Variants in TMC2 observed in about 807,000 individuals in gnomAD.
The protein encoded by TMC2 is transmembrane channel-like protein 2.
In TMC2, 102 loss-of-function variants were observed where a neutral mutation model predicts 105.9. The ratio of observed to expected loss-of-function variants is 0.96; its 90% CI spans 0.82 to 1.14. The LOEUF is 1.14. Among genes scored for constraint, TMC2 ranks in the 50% most tolerant of loss-of-function variants. The probability of loss-of-function intolerance (pLI) is 0.00; values close to 1 mark genes in which losing one functional copy is unlikely to be tolerated. For synonymous variants in TMC2, 402 were observed against 422.8 expected, an observed-to-expected ratio of 0.95 and a Z score of 0.60; for missense variants, 1,093 against 1,134.3, an observed-to-expected ratio of 0.96 and a Z score of 0.52.
intron 17 of TMC2, among the ~76,000 whole-genome samples, chr20:2,625,656 T>TA (rs1398349755): frequency 6.6e-6 from 1 of 152,258 alleles, no homozygotes; most frequent in Non-Finnish European, 1.5e-5. Flanking sequence ...TAGGGATAGT[T>TA]AGGCTGTTTC....
intron 7 of TMC2, among the ~76,000 whole-genome samples, chr20:2,588,265 C>T (rs974263202): frequency 1.3e-5 from 2 of 152,134 alleles, no homozygotes; most frequent in Non-Finnish European, 2.9e-5. Flanking sequence ...TCTGCCACCC[C>T]GCAAGGAAAC....
At chr20:2,589,269 C>CGTGTGTGTGTGTGTGT (rs764448789) in intron 7 of TMC2, among the ~76,000 whole-genome samples, 1,327 of 84,670 alleles carry the variant, frequency 0.016, 117 homozygotes, top group Admixed American at 0.021. Context: ...TCCTATTTGC[C>CGTGTGTGTGTGTGTGT]CTGTGTGTGT....
chr20:2,636,168 A>G (rs1036730462), intron 18 of TMC2, among the ~76,000 whole-genome samples, 164 bp downstream of exon 18: 1 of 152,186 alleles, frequency 6.6e-6, no homozygotes, highest in African/African-American at 2.4e-5. Context: ...ATTCAACAGC[A>G]TGCATTTATA....
intron 19 of TMC2, among the ~76,000 whole-genome samples, chr20:2,639,794 G>A (rs2086675168): frequency 1.3e-5 from 2 of 152,126 alleles, no homozygotes; most frequent in Admixed American, 1.3e-4. Flanking sequence ...GGCTTCAAAG[G>A]GGAGTGATCA....
At chr20:2,564,018 A>C (rs2086045829) in intron 4 of TMC2, among the ~76,000 whole-genome samples, 1 of 152,136 alleles carries the variant, frequency 6.6e-6, no homozygotes, top group South Asian at 2.1e-4. Flanking sequence ...ATGGGCCACC[A>C]CACCTGGCCC....
At chr20:2,567,618 G>A (rs1440972087) in intron 4 of TMC2, among the ~76,000 whole-genome samples, 3 of 151,610 alleles carry the variant, frequency 2.0e-5, no homozygotes, top group African/African-American at 7.3e-5. Context: ...GGCTGGTCTC[G>A]AACTCTTGGC....
rs1328504707 is a variant in TMC2, at chr20:2,577,187, C to A, written c.646-1959C>A. Among the ~76,000 whole-genome samples the A allele has an allele frequency of 2.6e-5, 4 of 151,972 alleles. No individual in the cohort carries two copies. In the South Asian group the frequency reaches 8.3e-4, roughly 32 times the overall value. ...TCTCCCAAAGTGCTGAGATTACAGG[C>A]GTGAGCAACCGTCCCCAGCCTGTAT... On this transcript the variant is annotated intron_variant, in intron 5 of 19. Transcript: ENST00000358864.
At chr20:2,581,467 T>C (rs2086189214) in intron 7 of TMC2, among the ~76,000 whole-genome samples, 1 of 152,222 alleles carries the variant, frequency 6.6e-6, no homozygotes, top group African/African-American at 2.4e-5. Context: ...TAAACGTCAC[T>C]GTCAAGCGTA....
In TMC2 at chr20:2,579,167, G is replaced by A; in HGVS notation, c.667G>A (p.Asp223Asn). ...MAKKWVKFKR[D>N]FDNFKTQCIP... The stretch of plus-strand genomic sequence containing the variant: ...TCAGAAATGGGTCAAATTTAAGAGA[G>A]ACTTTGATAATTTCAAGACTCAATG... The change falls in exon 6 of 20, where the codon GAC becomes AAC. Residue 223 changes from aspartate to asparagine, a missense_variant. By Grantham distance (23) the Asp-to-Asn change is conservative. Transcript: ENST00000358864. The A allele has an allele frequency of 6.3e-7, 1 of 1,593,834 alleles. No individual in the cohort carries two copies. Among genetic ancestry groups the A allele is most frequent in the Non-Finnish European group, 8.6e-7 (1 of 1,161,876 alleles).
chr20:2,601,775 G>C (rs1057053975), intron 10 of TMC2, among the ~76,000 whole-genome samples: 2 of 152,148 alleles, frequency 1.3e-5, no homozygotes, highest in African/African-American at 4.8e-5. Flanking sequence ...AGGAGGTGGT[G>C]AGCCGAGATT....
chr20:2,619,774 G>A (rs1468897054), intron 16 of TMC2, among the ~76,000 whole-genome samples: 1 of 152,216 alleles, frequency 6.6e-6, no homozygotes, highest in Admixed American at 6.5e-5. Context: ...TCCTAAGCAA[G>A]GTTTGGAGGG....
chr20:2,560,816 C>T (rs937900388), intron 3 of TMC2, among the ~76,000 whole-genome samples: 1 of 145,962 alleles, frequency 6.9e-6, no homozygotes, highest in Admixed American at 6.9e-5. Flanking sequence ...CAGCCTGGGC[C>T]ACAGAGCAAG....
intron 17 of TMC2, among the ~76,000 whole-genome samples, chr20:2,632,664 A>C (rs8117151): frequency 0.023 from 3,482 of 152,150 alleles, 130 homozygotes; most frequent in African/African-American, 0.077. Flanking sequence ...ATCTTGGCTC[A>C]CTGCAACCTC....
chr20:2,635,545 G>C (rs1313015750), intron 17 of TMC2, among the ~76,000 whole-genome samples: 1 of 152,136 alleles, frequency 6.6e-6, no homozygotes, highest in African/African-American at 2.4e-5. Context: ...ATGGGGTGGG[G>C]TGGGGGTGGA....
At chr20:2,591,323 T>C (rs531438751) in intron 7 of TMC2, among the ~76,000 whole-genome samples, 7 of 152,298 alleles carry the variant, frequency 4.6e-5, no homozygotes, top group African/African-American at 1.7e-4. Flanking sequence ...GACTAAAATA[T>C]ACATAGAACT....
intron 17 of TMC2, among the ~76,000 whole-genome samples, chr20:2,625,689 G>C (rs541090970): frequency 7.9e-5 from 12 of 152,330 alleles, no homozygotes; most frequent in Admixed American, 7.2e-4. Flanking sequence ...ATTGCAAACT[G>C]CGCTCCAGCC....
chr20:2,610,692 T>A (rs1266996916), intron 12 of TMC2, 94 bp downstream of exon 12: 2 of 698,742 alleles, frequency 2.9e-6, no homozygotes, highest in African/African-American at 1.9e-5. Context: ...ATAATTCATA[T>A]TAATTAAATA....
rs2086694179 is a variant in TMC2 at position 2,642,171 on chromosome 20, G to C, written c.*820G>C. ...CTGAAGTGGGAGGCCAGGGGTTTCA[G>C]ATGAGCCTGAGCAACAGAGCAAGAC... On this transcript the variant is annotated 3_prime_UTR_variant, in exon 20 of 20. Transcript: ENST00000358864. Among the ~76,000 whole-genome samples the C allele has an allele frequency of 6.6e-6, 1 of 152,224 alleles. No individual in the cohort carries two copies. The highest frequency in any genetic ancestry group is 2.4e-5 in the African/African-American group (1 of 41,448).
intron 3 of TMC2, among the ~76,000 whole-genome samples, chr20:2,560,635 A>T (rs1002498735): frequency 6.6e-6 from 1 of 152,016 alleles, no homozygotes; most frequent in Admixed American, 6.6e-5. Flanking sequence ...CAGGAGATCG[A>T]GATCATCCTG....
Sources: gnomAD v4.1 joint callset for allele counts (sites outside exome capture counted in the v4.1 genomes callset) on GRCh38, gnomAD v4.1.1 for gene constraint, MANE v1.5 for transcripts, NCBI Gene and HGNC (gene_info 2026-07-23, HGNC 2026-07-21) for gene names.